TGM2: variants seen among roughly 807,000 people sequenced by gnomAD.
TGM2 encodes the protein protein-glutamine gamma-glutamyltransferase 2.
TGM2 carries 53 observed loss-of-function variants against 75.6 expected under a neutral mutation model. The observed-to-expected ratio is 0.70, with a 90% CI of 0.56 to 0.88. TGM2 has a LOEUF of 0.88. Ranked by LOEUF, TGM2 falls within the 40% of genes least tolerant of loss-of-function variation. The pLI is 0.00. For missense variants in TGM2, 842 were observed against 928.5 expected (o/e 0.91, Z 1.21); for synonymous variants, 374 against 381.1 (o/e 0.98, Z 0.22).
In TGM2 at chr20:38,132,411, C is replaced by G; in HGVS notation, c.1705G>C (p.Glu569Gln). 6.2e-7 allele frequency: 1 copy of G among 1,614,180 alleles called. No homozygotes were observed. Among genetic ancestry groups the G allele is most frequent in the Non-Finnish European group, 8.5e-7 (1 of 1,180,026 alleles). Residue 569 changes from glutamate to glutamine, a missense_variant, in exon 11 of 13, where the codon GAG becomes CAG. Glu to Gln is a conservative substitution (Grantham distance 29). Transcript: ENST00000361475. ...NLIKVRALLVEPVINSYLLAE... is the reference protein window; with the variant it reads ...NLIKVRALLVQPVINSYLLAE... ...AGCAGGTAGCTGTTGATAACTGGCT[C>G]CACGAGGAGGGCCCGCACCTTGATG...
At chr20:38,149,104 C>T (rs45498400) in intron 4 of TGM2, among the ~76,000 whole-genome samples, 4,035 of 152,284 alleles carry the variant, frequency 0.026, 88 homozygotes, top group Middle Eastern at 0.1. Context: ...CCCCAAGCTA[C>T]AATATACCTC....
intron 3 of TGM2, 130 bp downstream of exon 3, chr20:38,155,717 A>G: frequency 1.5e-6 from 2 of 1,374,864 alleles, no homozygotes; most frequent in Non-Finnish European, 1.9e-6. Flanking sequence ...GCTGGAGCAC[A>G]GTGGGCCTCA....
chr20:38,168,358 T>C (rs761001), upstream of TGM2, among the ~76,000 whole-genome samples: 71,279 of 152,092 alleles, frequency 0.47, 19,183 homozygotes, highest in Non-Finnish European at 0.62. Flanking sequence ...ACTGGGAAAC[T>C]GTGCCCTGTC....
chr20:38,131,305 C>G, intron 11 of TGM2, 76 bp from the exon 12 acceptor site: 2 of 1,602,426 alleles, frequency 1.2e-6, no homozygotes, highest in Non-Finnish European at 1.7e-6. Context: ...TGCAATTTGG[C>G]CCAATATTTG....
intron 1 of TGM2, among the ~76,000 whole-genome samples, chr20:38,162,007 T>A (rs964885680): frequency 7.2e-5 from 11 of 152,098 alleles, no homozygotes; most frequent in Non-Finnish European, 1.6e-4. Context: ...AATTTCTTCA[T>A]TTTTGGTTTT....
rs755133229 is a variant in TGM2 at position 38,139,524 on chromosome 20, C to G, written c.1230G>C (p.Gly410=). ...AACGGTTGATGGATTTGTGCACAGA[C>G]CCATCGTCCTGCTGGATCCAGTCTA... is the stretch of plus-strand genomic sequence containing the variant. The part of the protein sequence containing the change: ...DVVDWIQQDD[G]SVHKSINRSL... The change falls in exon 9 of 13, where the codon GGG becomes GGC. Residue 410 remains glycine, a synonymous_variant. Transcript: ENST00000361475. 1.2e-6 allele frequency: 2 copies of G among 1,614,216 alleles called. No homozygotes were observed. The highest frequency in any genetic ancestry group is 3.3e-5 in the Admixed American group (2 of 60,028).
In TGM2 at chr20:38,147,955, A is replaced by G. The variant is rs371545461; in HGVS notation, c.681+6T>C. 1.9e-6 allele frequency: 3 copies of G among 1,608,570 alleles called. No individual in the cohort carries two copies. In the African/African-American group the frequency reaches 4.0e-5, roughly 22 times the overall value. ...CGCCCCTGGATGGGCCATGCCACTCACTCACCATGCCACTCACCACCCGGC... is the reference window on the plus strand; with the variant it reads ...CGCCCCTGGATGGGCCATGCCACTCGCTCACCATGCCACTCACCACCCGGC... On this transcript the variant is annotated splice_donor_region_variant and intron_variant, in intron 5 of 12. Transcript: ENST00000361475.
At chr20:38,152,296 G>A (rs769592445) in intron 3 of TGM2, among the ~76,000 whole-genome samples, 21 of 152,158 alleles carry the variant, frequency 1.4e-4, no homozygotes, top group African/African-American at 3.4e-4. Context: ...TGTCATGCCC[G>A]TCTGCAGCAA....
At chr20:38,132,839 TG>T (rs767432420) in intron 10 of TGM2, 5 of 470,020 alleles carry the variant, frequency 1.1e-5, no homozygotes, top group African/African-American at 9.9e-5. Context: ...CCTAAGGCTG[TG>T]GGAGGATGAG....
intron 2 of TGM2, among the ~76,000 whole-genome samples, chr20:38,157,518 C>T (rs1167599303): frequency 6.6e-6 from 1 of 152,224 alleles, no homozygotes; most frequent in African/African-American, 2.4e-5. Flanking sequence ...AGGCTTAGGC[C>T]ACATGCCTGG....
At position 38,127,433 on chromosome 20, in the gene TGM2, T is replaced by C. The variant is rs759012038; in HGVS notation, c.*2786A>G. Reference sequence around the variant, plus strand: ...ATTTATTTTTTATGTGCATGTCATGTCTTTCTACATGACTTCCCAAGGGTG... The same window carrying C: ...ATTTATTTTTTATGTGCATGTCATGCCTTTCTACATGACTTCCCAAGGGTG... On this transcript the variant is annotated 3_prime_UTR_variant, in exon 13 of 13. Coordinates refer to ENST00000361475, the MANE Select transcript of TGM2 (RefSeq NM_004613.4). 2.5e-5 allele frequency: 23 copies of C among 937,866 alleles called. No individual in the cohort carries two copies. Among genetic ancestry groups the C allele is most frequent in the Non-Finnish European group, 2.9e-5 (23 of 786,474 alleles). 58.1% of individuals were successfully genotyped at this position (937,866 alleles called of 1,614,324 possible). A position where few individuals can be genotyped will look rare whatever the true frequency, so the allele number is the denominator to read the frequency against.
chr20:38,140,272 C>A (rs59827666), intron 8 of TGM2, among the ~76,000 whole-genome samples: 19,960 of 152,278 alleles, frequency 0.13, 1,509 homozygotes, highest in East Asian at 0.28. Flanking sequence ...TGGATAGATA[C>A]AGTCTAGCAC....
intron 5 of TGM2, among the ~76,000 whole-genome samples, chr20:38,147,262 C>A (rs961260361): frequency 1.3e-5 from 2 of 152,092 alleles, no homozygotes; most frequent in East Asian, 3.9e-4. Flanking sequence ...CCTAAACTCC[C>A]ATTACCTCGA....
intron 3 of TGM2, 130 bp downstream of exon 3, chr20:38,155,717 A>T (rs2064849501): frequency 2.9e-6 from 4 of 1,374,864 alleles, no homozygotes; most frequent in Non-Finnish European, 3.9e-6. Context: ...GCTGGAGCAC[A>T]GTGGGCCTCA....
At chr20:38,167,883 C>A (rs964416754), upstream of TGM2, among the ~76,000 whole-genome samples, 1 of 152,208 alleles carries the variant, frequency 6.6e-6, no homozygotes, top group African/African-American at 2.4e-5. Flanking sequence ...GTCCACTACA[C>A]AGCAAGTCAC....
intron 2 of TGM2, among the ~76,000 whole-genome samples, chr20:38,158,623 CA>C (rs573855843): frequency 3.2e-4 from 48 of 152,328 alleles, no homozygotes; most frequent in Admixed American, 8.5e-4. Flanking sequence ...ATCCCTCTGA[CA>C]AGGATGGCAT....
Position 38,146,887 on chromosome 20 carries a change from C to T in TGM2, c.689G>A (p.Cys230Tyr), listed in dbSNP as rs774273073. ...CAGCAGCACACCCTGGTCATCGTTG[C>T]AGTTGACCTGCAACCAGTGGGGCAG... ...VGRVVSGMVN[C>Y]NDDQGVLLGR... is the part of the protein sequence containing the mutation. The change falls in exon 6 of 13, where the codon TGC becomes TAC. Residue 230 changes from cysteine to tyrosine, a missense_variant. Physicochemically the swap from Cys to Tyr is radical, Grantham distance 194. Transcript: ENST00000361475. 1.9e-6 allele frequency: 3 copies of T among 1,612,946 alleles called. No individual in the cohort carries two copies. The highest frequency in any genetic ancestry group is 1.7e-5 in the Admixed American group (1 of 60,024).
intron 3 of TGM2, among the ~76,000 whole-genome samples, chr20:38,153,642 G>GT: frequency 6.6e-6 from 1 of 152,074 alleles, no homozygotes; most frequent in East Asian, 1.9e-4. Context: ...GTATACAGTG[G>GT]GATCCTTTTA....
In TGM2 at chr20:38,130,071, G is replaced by T; in HGVS notation, c.*148C>A. 9.5e-7 allele frequency: 1 copy of T among 1,054,528 alleles called. No homozygotes were observed. Among genetic ancestry groups the T allele is most frequent in the Admixed American group, 2.2e-5 (1 of 45,724 alleles). 65.3% of individuals were successfully genotyped at this position (1,054,528 alleles called of 1,614,324 possible). A position where few individuals can be genotyped will look rare whatever the true frequency, so the allele number is the denominator to read the frequency against. On this transcript the variant is annotated 3_prime_UTR_variant, in exon 13 of 13. Transcript: ENST00000361475. ...AGGCTCAGGAGGCTGAGATGGGCCA[G>T]GGGCACATTCCATTTCCGAGAGCCC...
Sources: allele counts gnomAD v4.1 joint callset (sites outside exome capture counted in the v4.1 genomes callset), GRCh38; gene constraint gnomAD v4.1.1; transcripts MANE v1.5; gene names NCBI Gene and HGNC (gene_info 2026-07-23, HGNC 2026-07-21).